The following HS3ST5 variants were observed in gnomAD, a reference collection of about 807,000 sequenced individuals.
HS3ST5 encodes heparan sulfate-glucosamine 3-sulfotransferase 5.
A neutral mutation model predicts 25.4 loss-of-function variants in HS3ST5; 10 were observed. The observed-to-expected ratio is 0.39, with a 90% confidence interval of 0.24 to 0.67. The LOEUF (loss-of-function observed/expected upper bound fraction) is 0.67, where lower values mean the gene tolerates loss of function less well. HS3ST5 is among the 30% of genes least tolerant of loss of function. The probability of loss-of-function intolerance (pLI) is 0.44; values close to 1 mark genes in which losing one functional copy is unlikely to be tolerated. For synonymous variants in HS3ST5, 170 were observed against 162.4 expected, an observed-to-expected ratio of 1.05 and a Z score of -0.36; for missense variants, 324 against 420.7, an observed-to-expected ratio of 0.77 and a Z score of 2.01.
At chr6:114,296,342 TG>T (rs762231860) in intron 1 of HS3ST5, among the ~76,000 whole-genome samples, 1 of 151,902 alleles carries the variant, frequency 6.6e-6, no homozygotes, top group Non-Finnish European at 1.5e-5. Context: ...GGTTTTGCCC[TG>T]GAAAAAAAAA....
rs1775072098 is a variant in HS3ST5 at position 114,301,485 on chromosome 6, T to C, written c.-339+40710A>G. ...TTAATTTGAGAAGCCTCATTCCCAGTAGCAAGTAAGGTCTAAGAGTGAGCC... is the reference window on the plus strand; with the variant it reads ...TTAATTTGAGAAGCCTCATTCCCAGCAGCAAGTAAGGTCTAAGAGTGAGCC... On this transcript the variant is annotated intron_variant, in intron 1 of 4. Coordinates refer to ENST00000312719, the MANE Select transcript of HS3ST5 (RefSeq NM_153612.4). Among the ~76,000 whole-genome samples the C allele has an allele frequency of 5.9e-5, 9 of 152,264 alleles. No individual in the cohort carries two copies. The South Asian group carries it at 1.9e-3, about 32-fold the overall frequency.
intron 1 of HS3ST5, among the ~76,000 whole-genome samples, chr6:114,245,722 G>T (rs916669406): frequency 1.3e-5 from 2 of 152,162 alleles, no homozygotes; most frequent in Admixed American, 6.5e-5. Context: ...TGTTTTCAAG[G>T]CAAAATATCA....
chr6:114,267,130 A>G (rs1436788677), intron 1 of HS3ST5, among the ~76,000 whole-genome samples: 4 of 152,200 alleles, frequency 2.6e-5, no homozygotes, highest in African/African-American at 9.6e-5. Context: ...GAGGTATGGG[A>G]AAAAAATCAA....
rs1205121746 is a variant in HS3ST5, at chr6:114,213,249, C to CTCCTCTCCTT, written c.-145+15326_-145+15335dup. ...GACATCCGGCTGCTTCTCTTCTCCT[C>CTCCTCTCCTT]TCCTCTCCTTTCCTCTCCTCTCCTC... On this transcript the variant is annotated intron_variant, in intron 2 of 4. Coordinates refer to ENST00000312719, the MANE Select transcript of HS3ST5 (RefSeq NM_153612.4). Among the ~76,000 whole-genome samples, 4 of 150,772 alleles carry CTCCTCTCCTT rather than the reference C, an allele frequency of 2.7e-5. No homozygotes were observed. The East Asian group carries it at 7.9e-4, about 30-fold the overall frequency.
chr6:114,238,538 T>C (rs898821304), intron 1 of HS3ST5, among the ~76,000 whole-genome samples: 1 of 152,198 alleles, frequency 6.6e-6, no homozygotes, highest in Admixed American at 6.5e-5. Flanking sequence ...CATGGATATA[T>C]TGCATAATGG....
chr6:114,268,309 A>G (rs1354888677), intron 1 of HS3ST5, among the ~76,000 whole-genome samples: 1 of 152,188 alleles, frequency 6.6e-6, no homozygotes, highest in Non-Finnish European at 1.5e-5. Flanking sequence ...AAGAAGCACT[A>G]AAGCTAAAAG....
At chr6:114,142,710 T>C (rs1777970468) in intron 3 of HS3ST5, 2 of 152,212 alleles carry the variant, frequency 1.3e-5, no homozygotes, top group Admixed American at 1.3e-4. Context: ...ATAACTTCCC[T>C]TAATCAATCT....
At chr6:114,273,356 ATC>A (rs1393773894) in intron 1 of HS3ST5, among the ~76,000 whole-genome samples, 2 of 152,058 alleles carry the variant, frequency 1.3e-5, no homozygotes, top group African/African-American at 2.4e-5. Flanking sequence ...TTTGTTTTGG[ATC>A]TTTAAATTTG....
chr6:114,152,917 AATCTGCCTGGGG>A (rs1394892164), intron 3 of HS3ST5, among the ~76,000 whole-genome samples: 3 of 152,182 alleles, frequency 2.0e-5, no homozygotes, highest in African/African-American at 7.2e-5. Context: ...TTGTTAACTG[AATCTGCCTGGGG>A]ATCTGCCTAA....
chr6:114,141,854 TAG>T (rs1458113160), intron 3 of HS3ST5, among the ~76,000 whole-genome samples: 2 of 120,730 alleles, frequency 1.7e-5, no homozygotes, highest in African/African-American at 6.3e-5. Flanking sequence ...TCTAAGATGA[TAG>T]TTTGTGTGTG....
chr6:114,191,161 ATCCTGACAGTTTTTCC>A (rs1345527554), intron 2 of HS3ST5, among the ~76,000 whole-genome samples: 9 of 152,310 alleles, frequency 5.9e-5, no homozygotes, highest in Admixed American at 4.6e-4. Context: ...CACTGCATAT[ATCCTGACAGTTTTTCC>A]TCTTATGGGA....
chr6:114,171,630 T>A (rs528363510), intron 2 of HS3ST5, among the ~76,000 whole-genome samples: 2 of 152,290 alleles, frequency 1.3e-5, no homozygotes, highest in African/African-American at 4.8e-5. Context: ...TACAGATGAA[T>A]GAAGTGAGGC....
chr6:114,097,747 C>T (rs1472437788), intron 3 of HS3ST5, among the ~76,000 whole-genome samples: 1 of 151,730 alleles, frequency 6.6e-6, no homozygotes, highest in Non-Finnish European at 1.5e-5. Context: ...CTTATTCTTT[C>T]CTTTTTTAAA....
chr6:114,285,694 A>G (rs1774308002), intron 1 of HS3ST5, among the ~76,000 whole-genome samples: 1 of 151,988 alleles, frequency 6.6e-6, no homozygotes, highest in African/African-American at 2.4e-5. Flanking sequence ...TGGGAGGAAG[A>G]GCATCAGGAT....
intron 3 of HS3ST5, among the ~76,000 whole-genome samples, chr6:114,088,390 C>A (rs1223703780): frequency 1.3e-5 from 2 of 150,908 alleles, no homozygotes; most frequent in African/African-American, 4.9e-5. Context: ...CCTGGATGAT[C>A]TTCTCTTTTT....
chr6:114,304,717 T>C (rs961247038), intron 1 of HS3ST5, among the ~76,000 whole-genome samples: 2 of 152,146 alleles, frequency 1.3e-5, no homozygotes. Context: ...CACATAACAT[T>C]GTTATGAAAA....
intron 3 of HS3ST5, among the ~76,000 whole-genome samples, chr6:114,094,261 C>T (rs148305303): frequency 1.3e-5 from 2 of 152,234 alleles, no homozygotes; most frequent in East Asian, 3.9e-4. Flanking sequence ...AAGAGGTGCA[C>T]AAGGAAATAA....
intron 3 of HS3ST5, among the ~76,000 whole-genome samples, chr6:114,163,409 A>C (rs547834048): frequency 6.6e-6 from 1 of 152,278 alleles, no homozygotes; most frequent in South Asian, 2.1e-4. Flanking sequence ...AAGTTAAAAG[A>C]AAAAAAGGTA....
intron 3 of HS3ST5, chr6:114,084,387 G>A (rs1024595923): frequency 3.8e-5 from 29 of 755,592 alleles, no homozygotes; most frequent in African/African-American, 3.7e-4. Context: ...ATTCCTCCTC[G>A]GTCACAGCAT....
Sources: allele counts gnomAD v4.1 joint callset (sites outside exome capture counted in the v4.1 genomes callset), GRCh38; gene constraint gnomAD v4.1.1; transcripts MANE v1.5; gene names NCBI Gene and HGNC (gene_info 2026-07-23, HGNC 2026-07-21).